ROBO1: variants seen among roughly 807,000 people sequenced by gnomAD.
ROBO1 encodes the protein roundabout homolog 1.
ROBO1 carries 149 observed loss-of-function variants against 195.9 expected under a neutral mutation model. The observed-to-expected ratio is 0.76, with a 90% CI of 0.67 to 0.87. The LOEUF (loss-of-function observed/expected upper bound fraction) is 0.87, where lower values mean the gene tolerates loss of function less well. ROBO1 is among the 40% of genes least tolerant of loss of function. The probability of loss-of-function intolerance (pLI) is 0.00; values close to 1 mark genes in which losing one functional copy is unlikely to be tolerated. For missense variants in ROBO1, 1,933 were observed against 2,068.3 expected (o/e 0.93, Z 1.27); for synonymous variants, 816 against 733.2 (o/e 1.11, Z -1.82).
intron 4 of ROBO1, among the ~76,000 whole-genome samples, chr3:78,863,033 CTATAGCAGTTTAATATCTA>C (rs1199870956): frequency 2.6e-5 from 4 of 152,176 alleles, no homozygotes; most frequent in Admixed American, 6.5e-5. Flanking sequence ...CTGACTACTT[CTATAGCAGTTTAATATCTA>C]GAAAAACAAC....
intron 2 of ROBO1, among the ~76,000 whole-genome samples, chr3:79,379,654 G>A (rs2036503290): frequency 6.6e-6 from 1 of 152,122 alleles, no homozygotes; most frequent in Non-Finnish European, 1.5e-5. Context: ...TTCATAATGT[G>A]GCTGAAAGGT....
chr3:79,173,928 T>C (rs1451818086), intron 2 of ROBO1, among the ~76,000 whole-genome samples: 1 of 152,202 alleles, frequency 6.6e-6, no homozygotes, highest in African/African-American at 2.4e-5. Flanking sequence ...AATGCACCAA[T>C]TGACACTCTG....
chr3:79,593,723 A>G (rs1284265746), intron 1 of ROBO1, among the ~76,000 whole-genome samples: 4 of 151,702 alleles, frequency 2.6e-5, no homozygotes, highest in Admixed American at 6.6e-5. Context: ...TAATCCTCCC[A>G]ACTCAGCCTC....
intron 2 of ROBO1, among the ~76,000 whole-genome samples, chr3:79,137,430 GTT>G (rs5850415): frequency 1.3e-5 from 2 of 151,362 alleles, no homozygotes; most frequent in African/African-American, 4.9e-5. Flanking sequence ...ACATGTTACT[GTT>G]TTTTTTCTCA....
chr3:79,533,010 G>C (rs1192020734), intron 2 of ROBO1: 1 of 339,266 alleles, frequency 2.9e-6, no homozygotes, highest in Non-Finnish European at 5.8e-6. Context: ...TTGTAATTAA[G>C]TACCTTGGAG....
chr3:79,666,787 A>G (rs1946488083), intron 1 of ROBO1, among the ~76,000 whole-genome samples: 1 of 151,908 alleles, frequency 6.6e-6, no homozygotes, highest in Non-Finnish European at 1.5e-5. Flanking sequence ...AAATTGACTA[A>G]TACACTCACC....
At chr3:78,940,307 G>A (rs2040063370) in intron 3 of ROBO1, among the ~76,000 whole-genome samples, 1 of 152,172 alleles carries the variant, frequency 6.6e-6, no homozygotes, top group African/African-American at 2.4e-5. Context: ...ATGTAGGAAA[G>A]CCTGTGAAAT....
intron 4 of ROBO1, among the ~76,000 whole-genome samples, chr3:78,755,536 C>T (rs1482338499): frequency 1.3e-5 from 2 of 152,032 alleles, no homozygotes; most frequent in African/African-American, 4.8e-5. Context: ...GAAGTAATTA[C>T]AGGTAAAATG....
At chr3:78,706,500 A>T (rs912477477) in intron 8 of ROBO1, among the ~76,000 whole-genome samples, 51 of 152,004 alleles carry the variant, frequency 3.4e-4, no homozygotes, top group Non-Finnish European at 7.1e-4. Context: ...ACTCTTTTTT[A>T]AAATTATTTA....
chr3:79,617,490 C>T (rs541810545), intron 1 of ROBO1, among the ~76,000 whole-genome samples: 13 of 152,090 alleles, frequency 8.5e-5, no homozygotes, highest in East Asian at 1.9e-4. Context: ...AGCCTTGCCC[C>T]GTGAAAGCAA....
intron 1 of ROBO1, among the ~76,000 whole-genome samples, chr3:79,667,026 A>G (rs1946495127): frequency 6.6e-6 from 1 of 151,924 alleles, no homozygotes. Context: ...AATTTCTTCA[A>G]ATAAGATAAA....
At chr3:78,673,566 A>T (rs187149868) in intron 10 of ROBO1, among the ~76,000 whole-genome samples, 1,261 of 26,284 alleles carry the variant, frequency 0.048, 42 homozygotes, top group African/African-American at 0.21. Flanking sequence ...TATATTTTAT[A>T]TATATATATA....
chr3:78,614,876 A>G (rs943109919), intron 27 of ROBO1, 76 bp from the exon 28 acceptor site: 28 of 1,362,132 alleles, frequency 2.1e-5, no homozygotes, highest in Admixed American at 5.7e-5. Flanking sequence ...ACAAAAAGAA[A>G]ACATTAAAAC....
At chr3:79,697,966 A>G in intron 1 of ROBO1, among the ~76,000 whole-genome samples, 1 of 151,676 alleles carries the variant, frequency 6.6e-6, no homozygotes, top group South Asian at 2.1e-4. Flanking sequence ...TAAAACATAA[A>G]TTAAAAAATG....
At chr3:78,830,549 G>A (rs1324057721) in intron 4 of ROBO1, among the ~76,000 whole-genome samples, 1 of 152,204 alleles carries the variant, frequency 6.6e-6, no homozygotes, top group East Asian at 1.9e-4. Flanking sequence ...ATGGCGACAG[G>A]AAGGAGAAGA....
intron 3 of ROBO1, among the ~76,000 whole-genome samples, chr3:78,961,522 G>A (rs754386161): frequency 1.8e-4 from 28 of 152,052 alleles, no homozygotes; most frequent in African/African-American, 4.8e-4. Flanking sequence ...ATGTACTTAC[G>A]TTCCAATTTG....
rs115209587 is a variant in ROBO1, at chr3:78,870,163, T to C, written c.499+68438A>G. ...CATTTGTATTCACTGTTATTTTTCA[T>C]CTGCACCAAATCTGTATACCACCTT... On this transcript the variant is annotated intron_variant, in intron 4 of 30. Transcript: ENST00000464233. Among the ~76,000 whole-genome samples the C allele has an allele frequency of 4.5e-3, 678 of 152,336 alleles. 4 individuals carry two copies. The highest frequency in any genetic ancestry group is 6.7e-3 in the Non-Finnish European group (457 of 68,032).
chr3:79,378,214 T>G (rs934692569), intron 2 of ROBO1, among the ~76,000 whole-genome samples: 2 of 152,084 alleles, frequency 1.3e-5, no homozygotes, highest in Non-Finnish European at 1.5e-5. Flanking sequence ...TCTCTCTCTC[T>G]GTCTCTCTCT....
At chr3:79,621,877 A>G (rs1163977477) in intron 1 of ROBO1, among the ~76,000 whole-genome samples, 2 of 152,214 alleles carry the variant, frequency 1.3e-5, no homozygotes, top group African/African-American at 4.8e-5. Flanking sequence ...CAACTACGTA[A>G]CAACATAATG....
Sources: gnomAD v4.1 joint callset for allele counts (sites outside exome capture counted in the v4.1 genomes callset) on GRCh38, gnomAD v4.1.1 for gene constraint, MANE v1.5 for transcripts, NCBI Gene and HGNC (gene_info 2026-07-23, HGNC 2026-07-21) for gene names.